BAZ1B: variants seen among roughly 807,000 people sequenced by gnomAD.
BAZ1B encodes bromodomain adjacent to zinc finger domain 1B, also known as tyrosine-protein kinase BAZ1B.
In BAZ1B, 22 loss-of-function variants were observed where a neutral mutation model predicts 153.8. The ratio of observed to expected loss-of-function variants is 0.14; its 90% CI spans 0.10 to 0.20. The LOEUF (loss-of-function observed/expected upper bound fraction) is 0.20, where lower values mean the gene tolerates loss of function less well. BAZ1B is among the 10% of genes least tolerant of loss of function. The probability of loss-of-function intolerance (pLI) is 1.00; values close to 1 mark genes in which losing one functional copy is unlikely to be tolerated. For missense variants in BAZ1B, 1,325 were observed against 1,799.3 expected (o/e 0.74, Z 4.77); for synonymous variants, 676 against 633.4 (o/e 1.07, Z -1.01).
intron 3 of BAZ1B, 98 bp downstream of exon 3, chr7:73,508,229 T>C: frequency 7.8e-7 from 1 of 1,275,274 alleles, no homozygotes; most frequent in South Asian, 1.6e-5. Flanking sequence ...TAATACTAAA[T>C]ATAACACAGT....
intron 5 of BAZ1B, among the ~76,000 whole-genome samples, chr7:73,490,410 T>A (rs531646892): frequency 4.1e-4 from 62 of 152,270 alleles, no homozygotes; most frequent in South Asian, 1.7e-3. Flanking sequence ...AAATTTTTTT[T>A]AAAAAGTCAC....
intron 16 of BAZ1B, among the ~76,000 whole-genome samples, chr7:73,444,761 T>A (rs1787760502): frequency 6.6e-6 from 1 of 152,132 alleles, no homozygotes; most frequent in African/African-American, 2.4e-5. Context: ...ACACATGTAA[T>A]CCCACCACTT....
chr7:73,482,957 G>A (rs1203903944), intron 6 of BAZ1B, among the ~76,000 whole-genome samples: 2 of 151,926 alleles, frequency 1.3e-5, no homozygotes, highest in African/African-American at 4.9e-5. Context: ...CTGGACTCAG[G>A]GGGATCTGAA....
intron 6 of BAZ1B, among the ~76,000 whole-genome samples, chr7:73,486,630 A>G (rs1009422955): frequency 3.3e-5 from 5 of 152,130 alleles, no homozygotes; most frequent in Non-Finnish European, 7.4e-5. Flanking sequence ...CTGGCCTGCT[A>G]AAACTATTGC....
chr7:73,503,489 C>A (rs1790218114), intron 3 of BAZ1B, among the ~76,000 whole-genome samples: 1 of 151,986 alleles, frequency 6.6e-6, no homozygotes, highest in Non-Finnish European at 1.5e-5. Flanking sequence ...GATCCTCTTG[C>A]CTGTCTTCCA....
At chr7:73,447,523 T>C in intron 15 of BAZ1B, 144 bp from the exon 16 acceptor site, 1 of 1,075,516 alleles carries the variant, frequency 9.3e-7, no homozygotes, top group South Asian at 1.9e-5. Flanking sequence ...GGAACCTGAA[T>C]GTAAGCCAGG....
intron 13 of BAZ1B, among the ~76,000 whole-genome samples, chr7:73,452,938 C>CA (rs1788070852): frequency 1.3e-5 from 2 of 152,110 alleles, no homozygotes; most frequent in South Asian, 2.1e-4. Context: ...CAGGATTTTG[C>CA]CAAACAATAT....
At chr7:73,517,504 A>G (rs1334536557) in intron 1 of BAZ1B, among the ~76,000 whole-genome samples, 1 of 152,196 alleles carries the variant, frequency 6.6e-6, no homozygotes, top group East Asian at 1.9e-4. Flanking sequence ...CTCAATAAAT[A>G]AATGAATAAG....
At chr7:73,505,329 C>A (rs931632055) in intron 3 of BAZ1B, among the ~76,000 whole-genome samples, 1 of 152,138 alleles carries the variant, frequency 6.6e-6, no homozygotes, top group South Asian at 2.1e-4. Context: ...AGGACCAGAA[C>A]TCAACACACT....
intron 2 of BAZ1B, among the ~76,000 whole-genome samples, chr7:73,510,245 T>G (rs568376856): frequency 1.3e-5 from 2 of 151,922 alleles, no homozygotes; most frequent in South Asian, 4.2e-4. Context: ...CTGGCTAACA[T>G]AGTGAAACCC....
At chr7:73,498,402 C>G (rs36112002) in intron 4 of BAZ1B, 95 bp downstream of exon 4, 2 of 1,182,692 alleles carry the variant, frequency 1.7e-6, no homozygotes, top group East Asian at 2.4e-5. Context: ...CATAAAAAAT[C>G]ACACATTTAG....
intron 9 of BAZ1B, 93 bp from the exon 10 acceptor site, chr7:73,466,494 G>T: frequency 2.6e-6 from 2 of 757,390 alleles, no homozygotes; most frequent in South Asian, 3.2e-5. Flanking sequence ...TCAACAATTT[G>T]TAACAACACA....
In BAZ1B at chr7:73,477,383, C is replaced by T. The variant is rs1554572972; in HGVS notation, c.2078G>A (p.Arg693Gln). 3.1e-6 allele frequency: 5 copies of T among 1,614,230 alleles called. No homozygotes were observed. The highest frequency in any genetic ancestry group is 2.5e-6 in the Non-Finnish European group (3 of 1,180,046). The change falls in exon 7 of 20, where the codon CGG (arginine) becomes CAG (glutamine). Residue 693 changes from arginine (R) to glutamine (Q), a missense_variant. Physicochemically the swap from Arg to Gln is conservative, Grantham distance 43 (BLOSUM62 1). Coordinates refer to ENST00000339594, the MANE Select transcript of BAZ1B (RefSeq NM_032408.4). The surrounding 1 kb of genome is among the most constrained non-coding windows in gnomAD (Gnocchi z 5.6). ...AACATCAGATCTGCGCAAGCAGAGC[C>T]GCACCAGCTCTGAAACAGAATGCAG... ...LTLHSVSELV[R>Q]LCLRRSDVQE...
At chr7:73,469,917 G>A (rs930822385) in intron 8 of BAZ1B, among the ~76,000 whole-genome samples, 1 of 151,952 alleles carries the variant, frequency 6.6e-6, no homozygotes, top group South Asian at 2.1e-4. Context: ...TATGTTGGCC[G>A]GGCTGGTCTT....
Position 73,522,087 on chromosome 7 carries a change from G to A in BAZ1B, c.-154C>T, listed in dbSNP as rs1163500339. On this transcript the variant is annotated 5_prime_UTR_variant, in exon 1 of 20. Coordinates refer to ENST00000339594, the MANE Select transcript of BAZ1B (RefSeq NM_032408.4). ...CGCGAACTCCGGCTCCCTCACCGCC[G>A]GCGCGGCCGCGCGACAGTCATGGAG... The A allele has an allele frequency of 2.1e-6, 1 of 465,820 alleles. No homozygotes were observed. Among genetic ancestry groups the A allele is most frequent in the Non-Finnish European group, 3.5e-6 (1 of 288,604 alleles). The allele number at this position is 465,820 out of a possible 1,614,324, so 28.9% of individuals were successfully genotyped here.
chr7:73,498,702 T>C lies in BAZ1B; in HGVS notation c.370-4A>G, dbSNP rs1554576702. The C allele has an allele frequency of 1.2e-6, 2 of 1,612,818 alleles. No homozygotes were observed. The highest frequency in any genetic ancestry group is 1.7e-6 in the Non-Finnish European group (2 of 1,179,312). ...TGAGCATTTTCTCCTTCCCAACCTA[T>C]AAAGGAGGTAGTAGAGAAAATCAGA... On this transcript the variant is annotated splice_region_variant and splice_polypyrimidine_tract_variant and intron_variant, in intron 3 of 19. Transcript: ENST00000339594.
In BAZ1B at chr7:73,472,749, T is replaced by G. The variant is rs539083981; in HGVS notation, c.2594-2266A>C. ...GTGCCACCACAGCCAGCTAATTTAT[T>G]TATTTATTTATTTATTTATTTATTT... On this transcript the variant is annotated intron_variant, in intron 7 of 19. Transcript: ENST00000339594. Among the ~76,000 whole-genome samples, 6 of 131,848 alleles carry G rather than the reference T, an allele frequency of 4.6e-5. No homozygotes were observed. The East Asian group carries it at 1.2e-3, about 26-fold the overall frequency. 86.5% of individuals were successfully genotyped at this position (131,848 alleles called of 152,430 possible). A position where few individuals can be genotyped will look rare whatever the true frequency, so the allele number is the denominator to read the frequency against.
At chr7:73,462,009 C>T (rs1331655579) in intron 12 of BAZ1B, among the ~76,000 whole-genome samples, 2 of 152,186 alleles carry the variant, frequency 1.3e-5, no homozygotes, top group African/African-American at 4.8e-5. Flanking sequence ...TCAAGCAATC[C>T]TCCTGCCTTA....
At chr7:73,444,692 G>T (rs1229713791) in intron 16 of BAZ1B, among the ~76,000 whole-genome samples, 1 of 152,118 alleles carries the variant, frequency 6.6e-6, no homozygotes, top group Admixed American at 6.6e-5. Context: ...CCCTCCATAA[G>T]AGCCCTGCCC....
Sources: gnomAD v4.1 joint callset for allele counts (sites outside exome capture counted in the v4.1 genomes callset) on GRCh38, gnomAD v4.1.1 for gene constraint, Gnocchi (gnomAD v3.1) non-coding constraint, MANE v1.5 for transcripts, NCBI Gene and HGNC (gene_info 2026-07-23, HGNC 2026-07-21) for gene names.